The following STAU2 variants were observed in gnomAD, a reference collection of about 807,000 sequenced individuals.
STAU2 encodes the protein staufen double-stranded RNA binding protein 2, also known as double-stranded RNA-binding protein Staufen homolog 2.
Under a neutral mutation model 65.9 loss-of-function variants are expected in STAU2, and 20 were observed. The observed-to-expected ratio is 0.30, with a 90% confidence interval of 0.21 to 0.44. The LOEUF (loss-of-function observed/expected upper bound fraction) is 0.44, where lower values mean the gene tolerates loss of function less well. Ranked by LOEUF, STAU2 falls within the 20% of genes least tolerant of loss-of-function variation. The pLI is 1.00. For synonymous variants in STAU2, 232 were observed against 233.9 expected, an observed-to-expected ratio of 0.99 and a Z score of 0.07; for missense variants, 558 against 683.9, an observed-to-expected ratio of 0.82 and a Z score of 2.05.
intron 3 of STAU2, among the ~76,000 whole-genome samples, chr8:73,719,878 G>T (rs918588445): frequency 1.3e-5 from 2 of 152,124 alleles, no homozygotes; most frequent in Non-Finnish European, 2.9e-5. Flanking sequence ...ATATAAAATT[G>T]ATATTATTTT....
intron 13 of STAU2, among the ~76,000 whole-genome samples, chr8:73,526,068 G>A (rs1225024393): frequency 6.6e-6 from 1 of 152,180 alleles, no homozygotes; most frequent in African/African-American, 2.4e-5. Context: ...GCACTGGAGT[G>A]GTCTCTAAGC....
chr8:73,513,570 T>C (rs1368623843), intron 13 of STAU2, among the ~76,000 whole-genome samples: 6 of 152,122 alleles, frequency 3.9e-5, no homozygotes, highest in Non-Finnish European at 8.8e-5. Flanking sequence ...TGAGCCCTCT[T>C]TGATATCTCC....
At chr8:73,483,090 C>T (rs561990799) in intron 13 of STAU2, among the ~76,000 whole-genome samples, 1 of 152,232 alleles carries the variant, frequency 6.6e-6, no homozygotes, top group Admixed American at 6.5e-5. Flanking sequence ...CTATCACAGA[C>T]TCTGGAGGGT....
intron 6 of STAU2, among the ~76,000 whole-genome samples, chr8:73,667,261 G>A (rs1416238833): frequency 2.0e-5 from 3 of 151,926 alleles, no homozygotes; most frequent in Admixed American, 6.6e-5. Flanking sequence ...TATTGCCAAA[G>A]CAATATTCCT....
chr8:73,466,471 A>AT (rs1486138961), intron 13 of STAU2, among the ~76,000 whole-genome samples: 1 of 152,206 alleles, frequency 6.6e-6, no homozygotes, highest in Non-Finnish European at 1.5e-5. Context: ...GAAGGAAGCC[A>AT]GGAAGAAAAA....
At chr8:73,491,892 T>C (rs948540279) in intron 13 of STAU2, among the ~76,000 whole-genome samples, 1 of 151,948 alleles carries the variant, frequency 6.6e-6, no homozygotes, top group Non-Finnish European at 1.5e-5. Context: ...AAATGAGAAG[T>C]AGTCTTCTTT....
intron 6 of STAU2, among the ~76,000 whole-genome samples, chr8:73,643,573 T>G (rs531702029): frequency 1.3e-5 from 2 of 152,194 alleles, no homozygotes; most frequent in African/African-American, 4.8e-5. Flanking sequence ...CCTTATGGCC[T>G]CTGACAATAT....
Position 73,546,123 on chromosome 8 carries a change from C to CTTTT in STAU2, c.1530+5885_1530+5888dup, listed in dbSNP as rs71561528. On this transcript the variant is annotated intron_variant, in intron 13 of 14. Coordinates refer to ENST00000524300, the MANE Select transcript of STAU2 (RefSeq NM_001164380.2). ...GCCTGGCTAATTTTTGTTTGGTTTT[C>CTTTT]TTTTTTTTTTTTTTTTTTTTTTTGG... Among the ~76,000 whole-genome samples the CTTTT allele has an allele frequency of 1.0e-3, 97 of 93,300 alleles. 1 individual carries two copies. The highest frequency in any genetic ancestry group is 1.2e-3 in the Admixed American group (7 of 5,908). 61.2% of individuals were successfully genotyped at this position (93,300 alleles called of 152,430 possible). A position where few individuals can be genotyped will look rare whatever the true frequency, so the allele number is the denominator to read the frequency against.
intron 13 of STAU2, among the ~76,000 whole-genome samples, chr8:73,531,503 C>T (rs1049252437): frequency 6.6e-6 from 1 of 152,030 alleles, no homozygotes; most frequent in African/African-American, 2.4e-5. Context: ...TAATAATATG[C>T]TGATAAAAGG....
intron 4 of STAU2, among the ~76,000 whole-genome samples, chr8:73,703,192 C>G (rs924102780): frequency 1.3e-5 from 2 of 152,134 alleles, no homozygotes; most frequent in African/African-American, 4.8e-5. Flanking sequence ...GTGGATTTCT[C>G]ATGAATGGTT....
At chr8:73,609,351 G>GAA (rs201187418) in intron 9 of STAU2, among the ~76,000 whole-genome samples, 4 of 149,642 alleles carry the variant, frequency 2.7e-5, no homozygotes, top group Non-Finnish European at 5.9e-5. Context: ...CTTATATCCT[G>GAA]AAAAAAAAAA....
At chr8:73,551,250 C>T in intron 13 of STAU2, 1 of 987,360 alleles carries the variant, frequency 1.0e-6, no homozygotes, top group South Asian at 4.7e-5. Context: ...GGGTTTTTTC[C>T]CAGAAGGAAA....
At chr8:73,463,337 T>C (rs897054597) in intron 13 of STAU2, among the ~76,000 whole-genome samples, 2 of 152,254 alleles carry the variant, frequency 1.3e-5, no homozygotes, top group Non-Finnish European at 2.9e-5. Flanking sequence ...AAAACACTTT[T>C]ATAACAATGT....
intron 13 of STAU2, among the ~76,000 whole-genome samples, chr8:73,445,685 A>T (rs893748864): frequency 6.6e-6 from 1 of 152,248 alleles, no homozygotes; most frequent in Non-Finnish European, 1.5e-5. Context: ...ATCCAATTAG[A>T]GAATGGGCAA....
intron 13 of STAU2, among the ~76,000 whole-genome samples, chr8:73,503,186 G>A (rs1821860339): frequency 6.6e-6 from 1 of 152,106 alleles, no homozygotes. Context: ...GAAAAGACAC[G>A]CTGCATAGCA....
chr8:73,659,336 G>C (rs769338213), intron 6 of STAU2, among the ~76,000 whole-genome samples: 1 of 152,030 alleles, frequency 6.6e-6, no homozygotes, highest in Non-Finnish European at 1.5e-5. Context: ...TCGGGAGTTC[G>C]AGACCAGCCT....
intron 11 of STAU2, among the ~76,000 whole-genome samples, chr8:73,583,342 C>G (rs1188329426): frequency 6.6e-5 from 10 of 151,934 alleles, no homozygotes; most frequent in Admixed American, 6.6e-4. Flanking sequence ...GATGGGGTTT[C>G]GCCATGTTAG....
intron 13 of STAU2, among the ~76,000 whole-genome samples, chr8:73,531,990 G>C (rs1479764079): frequency 6.6e-6 from 1 of 152,086 alleles, no homozygotes; most frequent in Non-Finnish European, 1.5e-5. Context: ...AAAATCCTAA[G>C]GCCCCTGCAG....
intron 3 of STAU2, among the ~76,000 whole-genome samples, chr8:73,718,157 T>C (rs1195615237): frequency 6.6e-6 from 1 of 152,226 alleles, no homozygotes; most frequent in Non-Finnish European, 1.5e-5. Flanking sequence ...ATATGTCATG[T>C]TTTATGTGTT....
Sources: gnomAD v4.1 joint callset for allele counts (sites outside exome capture counted in the v4.1 genomes callset) on GRCh38, gnomAD v4.1.1 for gene constraint, MANE v1.5 for transcripts, NCBI Gene and HGNC (gene_info 2026-07-23, HGNC 2026-07-21) for gene names.